Variants in DLG2 observed in about 807,000 individuals in gnomAD.
DLG2 encodes the protein discs large MAGUK scaffold protein 2, also known as disks large homolog 2.
Under a neutral mutation model 132.5 loss-of-function variants are expected in DLG2, and 45 were observed. The observed-to-expected ratio is 0.34, with a 90% CI of 0.27 to 0.44. The LOEUF is 0.44. Ranked by LOEUF, DLG2 falls within the 20% of genes least tolerant of loss-of-function variation. The probability of loss-of-function intolerance (pLI) is 1.00; values close to 1 mark genes in which losing one functional copy is unlikely to be tolerated. For synonymous variants in DLG2, 424 were observed against 419.6 expected (o/e 1.01, Z -0.13); for missense variants, 1,045 against 1,196.9 (o/e 0.87, Z 1.87).
At chr11:84,390,115 G>A (rs2098787138) in intron 7 of DLG2, among the ~76,000 whole-genome samples, 1 of 152,020 alleles carries the variant, frequency 6.6e-6, no homozygotes, top group South Asian at 2.1e-4. Flanking sequence ...TTCCCTAAAT[G>A]TTTTACCAAA....
intron 6 of DLG2, among the ~76,000 whole-genome samples, chr11:84,927,844 G>A (rs566802450): frequency 3.0e-4 from 45 of 151,986 alleles, no homozygotes; most frequent in Admixed American, 7.2e-4. Context: ...TTTGGGCTAG[G>A]TGCATCAGTG....
At chr11:85,242,024 A>C (rs956706863) in intron 4 of DLG2, among the ~76,000 whole-genome samples, 5 of 151,972 alleles carry the variant, frequency 3.3e-5, no homozygotes. Flanking sequence ...CTTCTAGCAA[A>C]TATCATTTAT....
At chr11:84,166,337 A>G (rs1452535537) in intron 8 of DLG2, among the ~76,000 whole-genome samples, 4 of 151,946 alleles carry the variant, frequency 2.6e-5, no homozygotes, top group Non-Finnish European at 5.9e-5. Flanking sequence ...CCCTGTCTCT[A>G]CTAAAATACA....
Position 85,262,981 on chromosome 11 carries a change from G to A in DLG2, c.186+22239C>T, listed in dbSNP as rs896594246. On this transcript the variant is annotated intron_variant, in intron 4 of 27. Coordinates refer to ENST00000376104, the MANE Select transcript of DLG2 (RefSeq NM_001142699.3). ...AGCCCAGGGATGAGTCTGAGGAATG[G>A]AAGGGCTTTGTCCCATGGTGGGACC... is the stretch of plus-strand genomic sequence containing the variant. Among the ~76,000 whole-genome samples, 5 of 152,298 alleles carry A rather than the reference G, an allele frequency of 3.3e-5. 1 individual carries two copies. The South Asian group carries it at 1.0e-3, about 32-fold the overall frequency.
At chr11:84,740,320 G>T (rs2064429155) in intron 6 of DLG2, among the ~76,000 whole-genome samples, 1 of 151,888 alleles carries the variant, frequency 6.6e-6, no homozygotes, top group Non-Finnish European at 1.5e-5. Context: ...GAGTGAAAAA[G>T]GTAAACAGAA....
intron 17 of DLG2, among the ~76,000 whole-genome samples, chr11:83,793,887 C>CT (rs1247171711): frequency 2.6e-5 from 4 of 151,972 alleles, no homozygotes; most frequent in African/African-American, 4.8e-5. Flanking sequence ...TTACTTCATG[C>CT]TTTTTTTAAA....
rs571627048 is a variant in DLG2, at chr11:84,397,236, T to G, written c.519+137334A>C. ...CTACAAAGCCCTTGCTTCCAAGTAT[T>G]ATACACTCTGCCTCTCTTTAAACTT... On this transcript the variant is annotated intron_variant, in intron 7 of 27. Transcript: ENST00000376104. Among the ~76,000 whole-genome samples, 5 of 152,312 alleles carry G rather than the reference T, an allele frequency of 3.3e-5. No individual in the cohort carries two copies. In the South Asian group the frequency reaches 1.0e-3, roughly 32 times the overall value.
intron 14 of DLG2, among the ~76,000 whole-genome samples, chr11:83,941,390 T>C (rs1214896088): frequency 6.6e-6 from 1 of 150,620 alleles, no homozygotes; most frequent in African/African-American, 2.4e-5. Flanking sequence ...AATTTATTTA[T>C]TTAATTAATT....
intron 5 of DLG2, among the ~76,000 whole-genome samples, chr11:85,147,565 A>G (rs1458138313): frequency 6.6e-6 from 1 of 152,214 alleles, no homozygotes; most frequent in Non-Finnish European, 1.5e-5. Context: ...ACTTGCAAAT[A>G]ACCATTAACT....
chr11:84,363,265 G>A (rs998227820), intron 7 of DLG2, among the ~76,000 whole-genome samples: 2 of 152,002 alleles, frequency 1.3e-5, no homozygotes, highest in African/African-American at 4.8e-5. Flanking sequence ...AGCCAGTGAT[G>A]GTGAGGATTT....
chr11:84,383,020 T>G (rs1226827950), intron 7 of DLG2, among the ~76,000 whole-genome samples: 1 of 152,006 alleles, frequency 6.6e-6, no homozygotes, highest in Non-Finnish European at 1.5e-5. Flanking sequence ...GCTGCCAGAA[T>G]AGCATTTGTA....
At chr11:85,306,580 C>A (rs2079956338) in intron 3 of DLG2, among the ~76,000 whole-genome samples, 1 of 151,876 alleles carries the variant, frequency 6.6e-6, no homozygotes, top group South Asian at 2.1e-4. Context: ...GTAGTTGAAC[C>A]TTTTTTTTGA....
intron 11 of DLG2, among the ~76,000 whole-genome samples, chr11:84,016,487 T>C (rs1297990503): frequency 6.6e-6 from 1 of 152,138 alleles, no homozygotes; most frequent in Non-Finnish European, 1.5e-5. Flanking sequence ...TTTTGGGTTT[T>C]ACATTTAAGT....
chr11:83,501,476 G>T (rs1435650907), intron 21 of DLG2, among the ~76,000 whole-genome samples: 3 of 152,140 alleles, frequency 2.0e-5, no homozygotes, highest in Non-Finnish European at 4.4e-5. Flanking sequence ...TGGTTCTCCA[G>T]TGCAATTTGA....
chr11:84,802,062 T>G (rs1013531874), intron 6 of DLG2, among the ~76,000 whole-genome samples: 2 of 151,080 alleles, frequency 1.3e-5, no homozygotes, highest in African/African-American at 2.4e-5. Flanking sequence ...GATCATTTAA[T>G]GTTTTAGGGA....
chr11:84,798,258 T>A (rs1047092517), intron 6 of DLG2, among the ~76,000 whole-genome samples: 8 of 152,180 alleles, frequency 5.3e-5, no homozygotes, highest in African/African-American at 1.9e-4. Flanking sequence ...TTCCCTTCAG[T>A]GTGACAAGTT....
chr11:85,258,043 T>C (rs1235619517), intron 4 of DLG2, among the ~76,000 whole-genome samples: 3 of 152,160 alleles, frequency 2.0e-5, no homozygotes, highest in Admixed American at 2.0e-4. Context: ...GTGGTTGTCT[T>C]ACAGACCATT....
At chr11:84,977,331 C>A (rs889141364) in intron 6 of DLG2, among the ~76,000 whole-genome samples, 3 of 152,132 alleles carry the variant, frequency 2.0e-5, no homozygotes, top group Non-Finnish European at 4.4e-5. Flanking sequence ...TGAATTACTA[C>A]AGGCAGTTTT....
At chr11:83,501,099 A>T (rs1451084477) in intron 21 of DLG2, among the ~76,000 whole-genome samples, 1 of 151,998 alleles carries the variant, frequency 6.6e-6, no homozygotes, top group Non-Finnish European at 1.5e-5. Context: ...TGTTGAAATT[A>T]TTTTTAAATT....
Sources: allele counts gnomAD v4.1 joint callset (sites outside exome capture counted in the v4.1 genomes callset), GRCh38; gene constraint gnomAD v4.1.1; transcripts MANE v1.5; gene names NCBI Gene and HGNC (gene_info 2026-07-23, HGNC 2026-07-21).